The following CTTNBP2 variants were observed in gnomAD, a reference collection of about 807,000 sequenced individuals.
CTTNBP2 encodes cortactin-binding protein 2.
In CTTNBP2, 108 loss-of-function variants were observed where a neutral mutation model predicts 156.9. The ratio of observed to expected loss-of-function variants is 0.69; its 90% CI spans 0.59 to 0.81. The LOEUF (loss-of-function observed/expected upper bound fraction) is 0.81. CTTNBP2 is among the 30% of genes least tolerant of loss of function. CTTNBP2 has a pLI of 0.00. For missense variants in CTTNBP2, 1,924 were observed against 2,035.4 expected (o/e 0.95, Z 1.05); for synonymous variants, 767 against 751.8 (o/e 1.02, Z -0.33).
chr7:117,798,581 C>T (rs1799447352), intron 3 of CTTNBP2, among the ~76,000 whole-genome samples: 1 of 152,084 alleles, frequency 6.6e-6, no homozygotes, highest in African/African-American at 2.4e-5. Flanking sequence ...ACTCTGAAAG[C>T]AGAGCATCTA....
Position 117,750,786 on chromosome 7 carries a change from C to T in CTTNBP2, c.3349-4687G>A, listed in dbSNP as rs568014894. On this transcript the variant is annotated intron_variant, in intron 12 of 22. Transcript: ENST00000160373. The stretch of plus-strand genomic sequence containing the variant: ...GTATAATGAATATATATACTCCACG[C>T]TTCCAGCAGAGGGCTCTAAAGATAG... Among the ~76,000 whole-genome samples the T allele has an allele frequency of 2.6e-5, 4 of 152,304 alleles. No homozygotes were observed. The South Asian group carries it at 8.3e-4, about 32-fold the overall frequency.
intron 2 of CTTNBP2, among the ~76,000 whole-genome samples, chr7:117,847,819 C>CTTTTTTTTTTTTTTTTTTTTT (rs201419286): frequency 5.5e-5 from 5 of 91,360 alleles, no homozygotes; most frequent in African/African-American, 2.4e-4. Flanking sequence ...TTTGCCTAAC[C>CTTTTTTTTTTTTTTTTTTTTT]TTTTTTTTTT....
Position 117,718,103 on chromosome 7 carries a change from TC to T in CTTNBP2, c.4660del (p.Asp1554MetfsTer3), listed in dbSNP as rs745982178. The T allele has an allele frequency of 6.2e-7, 1 of 1,611,342 alleles. No homozygotes were observed. The highest frequency in any genetic ancestry group is 1.7e-5 in the Admixed American group (1 of 59,966). On this transcript the variant is annotated frameshift_variant, in exon 22 of 23. Coordinates refer to ENST00000160373, the MANE Select transcript of CTTNBP2 (RefSeq NM_033427.3). LOFTEE classifies it high-confidence loss of function. ...AGAACTATCAAACATCCTTAAATCA[TC>T]CCTGGAATCAGCAATCTAGAAAATA... The part of the protein sequence containing the change: ...SDISKIADSR[D>X]DLRMFDSSGN...
At chr7:117,718,329 A>C (rs555517142) in intron 21 of CTTNBP2, among the ~76,000 whole-genome samples, 1 of 152,332 alleles carries the variant, frequency 6.6e-6, no homozygotes, top group African/African-American at 2.4e-5. Flanking sequence ...CTAAGGAAAA[A>C]GAATCCACTT....
At chr7:117,854,526 C>A (rs1333869009) in intron 2 of CTTNBP2, among the ~76,000 whole-genome samples, 1 of 152,266 alleles carries the variant, frequency 6.6e-6, no homozygotes, top group East Asian at 1.9e-4. Context: ...AGCACTGAAC[C>A]ATACAACCAT....
chr7:117,735,956 G>A (rs1795664991), intron 14 of CTTNBP2, among the ~76,000 whole-genome samples: 1 of 152,136 alleles, frequency 6.6e-6, no homozygotes, highest in Admixed American at 6.5e-5. Context: ...TGCGATAAGG[G>A]GGACGGACCA....
chr7:117,770,690 C>G (rs891225394), intron 8 of CTTNBP2, among the ~76,000 whole-genome samples: 1 of 152,152 alleles, frequency 6.6e-6, no homozygotes, highest in Non-Finnish European at 1.5e-5. Context: ...TGTCCTGATA[C>G]ACTCAGAAAA....
intron 2 of CTTNBP2, among the ~76,000 whole-genome samples, chr7:117,825,469 C>A (rs1801223217): frequency 6.6e-6 from 1 of 152,216 alleles, no homozygotes; most frequent in African/African-American, 2.4e-5. Context: ...TAGGCATTGG[C>A]TAGCTCTTTT....
chr7:117,837,867 A>AG (rs1802046888), intron 2 of CTTNBP2, among the ~76,000 whole-genome samples: 1 of 152,186 alleles, frequency 6.6e-6, no homozygotes, highest in Non-Finnish European at 1.5e-5. Context: ...CAGATACCCC[A>AG]GAAAAGTGAC....
intron 7 of CTTNBP2, among the ~76,000 whole-genome samples, chr7:117,779,358 T>G (rs1458367861): frequency 6.6e-6 from 1 of 152,206 alleles, no homozygotes; most frequent in Non-Finnish European, 1.5e-5. Context: ...GCACAAGACA[T>G]AATTGTTCCC....
intron 2 of CTTNBP2, among the ~76,000 whole-genome samples, chr7:117,844,068 G>A (rs1802434757): frequency 1.3e-5 from 2 of 152,056 alleles, no homozygotes; most frequent in African/African-American, 4.8e-5. Flanking sequence ...GAGAGACAGG[G>A]ACAGATAGAC....
At chr7:117,822,142 A>C (rs367736207) in intron 2 of CTTNBP2, among the ~76,000 whole-genome samples, 2 of 152,238 alleles carry the variant, frequency 1.3e-5, no homozygotes, top group South Asian at 4.2e-4. Flanking sequence ...GTATTTTTTC[A>C]AGAAATTTGC....
At chr7:117,869,269 T>C (rs960415747) in intron 1 of CTTNBP2, among the ~76,000 whole-genome samples, 1 of 152,196 alleles carries the variant, frequency 6.6e-6, no homozygotes, top group African/African-American at 2.4e-5. Context: ...ATCTATAACA[T>C]TAATTATTAC....
chr7:117,742,311 T>C (rs945953489), intron 14 of CTTNBP2, among the ~76,000 whole-genome samples: 3 of 152,204 alleles, frequency 2.0e-5, no homozygotes, highest in African/African-American at 7.2e-5. Context: ...AACTACAGCA[T>C]GAGCAAAGAC....
chr7:117,854,918 G>T (rs1477771656), intron 2 of CTTNBP2, among the ~76,000 whole-genome samples: 1 of 152,084 alleles, frequency 6.6e-6, no homozygotes, highest in Non-Finnish European at 1.5e-5. Context: ...TCAAGTAGCT[G>T]GGATTACAGG....
chr7:117,865,399 G>A (rs572124328), intron 1 of CTTNBP2, among the ~76,000 whole-genome samples: 18 of 151,926 alleles, frequency 1.2e-4, no homozygotes, highest in African/African-American at 3.9e-4. Context: ...GGTGGCTCAC[G>A]CCTGTAATCC....
At chr7:117,839,206 T>C (rs919317177) in intron 2 of CTTNBP2, among the ~76,000 whole-genome samples, 1 of 152,200 alleles carries the variant, frequency 6.6e-6, no homozygotes, top group Admixed American at 6.5e-5. Context: ...GTCTGGCAGA[T>C]AAGCACCCAG....
chr7:117,768,209 C>T (rs1016886414), intron 8 of CTTNBP2, among the ~76,000 whole-genome samples: 6 of 152,026 alleles, frequency 3.9e-5, no homozygotes, highest in Admixed American at 6.6e-5. Context: ...GTAGCACACC[C>T]TTACATCCAC....
chr7:117,837,269 C>T (rs996534920), intron 2 of CTTNBP2, among the ~76,000 whole-genome samples: 7 of 152,184 alleles, frequency 4.6e-5, no homozygotes, highest in Admixed American at 1.3e-4. Context: ...ATTGTAACAA[C>T]AACAAAACCA....
Sources: gnomAD v4.1 joint callset for allele counts (sites outside exome capture counted in the v4.1 genomes callset) on GRCh38, gnomAD v4.1.1 for gene constraint, MANE v1.5 for transcripts, NCBI Gene and HGNC (gene_info 2026-07-23, HGNC 2026-07-21) for gene names.